Variants in AGFG1 observed in about 807,000 individuals in gnomAD.
The protein encoded by AGFG1 is ArfGAP with FG repeats 1.
A neutral mutation model predicts 60.6 loss-of-function variants in AGFG1; 10 were observed. The ratio of observed to expected loss-of-function variants is 0.16; its 90% CI spans 0.10 to 0.28. AGFG1 has a LOEUF of 0.28. Among genes scored for constraint, AGFG1 ranks in the 10% least tolerant of loss-of-function variants. The pLI is 1.00. For missense variants in AGFG1, 537 were observed against 676.5 expected (o/e 0.79, Z 2.29); for synonymous variants, 247 against 242.9 (o/e 1.02, Z -0.16).
chr2:227,495,969 T>A (rs1430088901), intron 2 of AGFG1, among the ~76,000 whole-genome samples: 3 of 150,526 alleles, frequency 2.0e-5, no homozygotes, highest in Non-Finnish European at 4.4e-5. Context: ...AAAAAAAAAA[T>A]TAGCCAGGCA....
chr2:227,526,231 C>T (rs1691987390), intron 5 of AGFG1, among the ~76,000 whole-genome samples: 2 of 152,048 alleles, frequency 1.3e-5, no homozygotes, highest in South Asian at 4.1e-4. Flanking sequence ...TGGAGTCTCG[C>T]TCTCTCGCCG....
chr2:227,472,565 G>A lies in AGFG1; in HGVS notation c.144G>A (p.Val48=). The A allele has an allele frequency of 6.3e-7, 1 of 1,580,014 alleles. No homozygotes were observed. Among genetic ancestry groups the A allele is most frequent in the East Asian group, 2.5e-5 (1 of 40,414 alleles). The change falls in exon 1 of 13, where the codon GTG becomes GTA. Residue 48 remains valine, a synonymous_variant. Transcript: ENST00000310078. ...TTAACATGACGGTCGGCTCCTTCGT[G>A]TGTACCTCCTGCTCCGGCAGCCTGT... The part of the protein sequence containing the change: ...TYVNMTVGSF[V]CTSCSGSLRG...
Position 227,556,641 on chromosome 2 carries a change from GTAAAT to G in AGFG1, c.*2151_*2155del, listed in dbSNP as rs1692978175. 1 of 152,616 alleles carries G rather than the reference GTAAAT, an allele frequency of 6.6e-6. No homozygotes were observed. The highest frequency in any genetic ancestry group is 2.1e-4 in the South Asian group (1 of 4,832). The allele number at this position is 152,616 out of a possible 1,614,324, so 9.5% of individuals were successfully genotyped here. On this transcript the variant is annotated 3_prime_UTR_variant, in exon 13 of 13. Transcript: ENST00000310078. The stretch of plus-strand genomic sequence containing the variant: ...TCCTACCAGGCTTTCCATCTGAATA[GTAAAT>G]TAAACAGTTGTTATCAAAATGATTT...
At chr2:227,492,838 G>A (rs1237276182) in intron 2 of AGFG1, among the ~76,000 whole-genome samples, 3 of 152,004 alleles carry the variant, frequency 2.0e-5, no homozygotes, top group Non-Finnish European at 4.4e-5. Flanking sequence ...TGAAGAGTAA[G>A]CATAGAATAA....
intron 2 of AGFG1, among the ~76,000 whole-genome samples, chr2:227,504,247 C>T (rs1322841874): frequency 2.0e-5 from 3 of 150,160 alleles, no homozygotes; most frequent in East Asian, 2.0e-4. Flanking sequence ...GGCTGGAGTG[C>T]GGTGGCTGGA....
intron 5 of AGFG1, 38 bp downstream of exon 5, chr2:227,524,953 A>C: frequency 6.8e-6 from 11 of 1,607,860 alleles, no homozygotes; most frequent in Non-Finnish European, 9.4e-6. Context: ...CTGGGGATGC[A>C]TATAAAACAC....
In AGFG1 at chr2:227,523,899, C is replaced by G. The variant is rs1212584794; in HGVS notation, c.514C>G (p.His172Asp). The G allele has an allele frequency of 6.2e-7, 1 of 1,613,586 alleles. No homozygotes were observed. The highest frequency in any genetic ancestry group is 8.5e-7 in the Non-Finnish European group (1 of 1,179,854). ...SLLGDSAPTL[H>D]LNKGTPSQSP... ...TTTAGGGGATTCTGCACCAACACTG[C>G]ACTTAAATAAGGGCACACCTAGTCA... Residue 172 changes from histidine to aspartate, a missense_variant, in exon 4 of 13, where the codon CAC (histidine) becomes GAC (aspartate). His to Asp is a moderately conservative substitution (Grantham distance 81). This residue lies in a region of AGFG1 where 102 missense variants were observed against 82.9 expected (regional missense o/e 1.23). Coordinates refer to ENST00000310078, the MANE Select transcript of AGFG1 (RefSeq NM_004504.5).
At chr2:227,514,837 T>C (rs541710223) in intron 2 of AGFG1, among the ~76,000 whole-genome samples, 172 of 152,300 alleles carry the variant, frequency 1.1e-3, no homozygotes, top group African/African-American at 3.7e-3. Flanking sequence ...TTTTAGCCCC[T>C]CACCCCCACT....
rs1400940892 is a variant in AGFG1 at position 227,557,245 on chromosome 2, A to AT, written c.*2756dup. 2.0e-5 allele frequency: 3 copies of AT among 152,126 alleles called. No homozygotes were observed. Among genetic ancestry groups the AT allele is most frequent in the African/African-American group, 7.2e-5 (3 of 41,432 alleles). The allele number at this position is 152,126 out of a possible 1,614,324, so 9.4% of individuals were successfully genotyped here. On this transcript the variant is annotated 3_prime_UTR_variant, in exon 13 of 13. Coordinates refer to ENST00000310078, the MANE Select transcript of AGFG1 (RefSeq NM_004504.5). ...CAAACTTTTGACATAGTTTAAAGAC[A>AT]TTTTTTCCCCATTTTTTGAAATAGA... is the stretch of plus-strand genomic sequence containing the variant.
chr2:227,509,440 TATTAAG>T (rs1691429323), intron 2 of AGFG1, among the ~76,000 whole-genome samples: 1 of 152,122 alleles, frequency 6.6e-6, no homozygotes, highest in South Asian at 2.1e-4. Flanking sequence ...TAAAGGCCAT[TATTAAG>T]ATTACTGACT....
chr2:227,536,342 T>C (rs1042255557), intron 8 of AGFG1, among the ~76,000 whole-genome samples: 2 of 152,154 alleles, frequency 1.3e-5, no homozygotes, highest in Non-Finnish European at 2.9e-5. Context: ...ACATGAATAT[T>C]AAGATAGTGG....
intron 2 of AGFG1, among the ~76,000 whole-genome samples, chr2:227,494,007 C>A (rs922404327): frequency 6.6e-6 from 1 of 152,070 alleles, no homozygotes; most frequent in Non-Finnish European, 1.5e-5. Flanking sequence ...GGGAAACTTG[C>A]AATAGGTTGC....
chr2:227,509,526 G>A (rs539204225), intron 2 of AGFG1, among the ~76,000 whole-genome samples: 68 of 152,160 alleles, frequency 4.5e-4, no homozygotes, highest in African/African-American at 1.3e-3. Context: ...TTATGTAAAA[G>A]AACGTACTTA....
At chr2:227,499,332 T>C (rs564556089) in intron 2 of AGFG1, among the ~76,000 whole-genome samples, 1 of 152,190 alleles carries the variant, frequency 6.6e-6, no homozygotes, top group East Asian at 1.9e-4. Context: ...TAAAACTTTG[T>C]ATTGCTTATA....
In AGFG1 at chr2:227,556,332, A is replaced by C. The variant is rs1228899031; in HGVS notation, c.*1837A>C. 6.6e-6 allele frequency: 1 copy of C among 152,632 alleles called. No individual in the cohort carries two copies. Among genetic ancestry groups the C allele is most frequent in the Non-Finnish European group, 1.5e-5 (1 of 68,040 alleles). 9.5% of individuals were successfully genotyped at this position (152,632 alleles called of 1,614,324 possible). A position where few individuals can be genotyped will look rare whatever the true frequency, so the allele number is the denominator to read the frequency against. ...AAACATTGCTGTCTAGTGTACATCT[A>C]GCTAAAAGTGTGGTTTATCTAAACC... On this transcript the variant is annotated 3_prime_UTR_variant, in exon 13 of 13. Coordinates refer to ENST00000310078, the MANE Select transcript of AGFG1 (RefSeq NM_004504.5).
In AGFG1 at chr2:227,557,963, G is replaced by A. The variant is rs1046269204; in HGVS notation, c.*3468G>A. Reference sequence around the variant, plus strand: ...TTGAGAACCACTATACTTTAAATTTGTGTATTTCTAGAACAGTATTTACTT... The same window carrying A: ...TTGAGAACCACTATACTTTAAATTTATGTATTTCTAGAACAGTATTTACTT... On this transcript the variant is annotated 3_prime_UTR_variant, in exon 13 of 13. Coordinates refer to ENST00000310078, the MANE Select transcript of AGFG1 (RefSeq NM_004504.5). 1 of 152,182 alleles carries A rather than the reference G, an allele frequency of 6.6e-6. No homozygotes were observed. Among genetic ancestry groups the A allele is most frequent in the Non-Finnish European group, 1.5e-5 (1 of 68,038 alleles). 9.4% of individuals were successfully genotyped at this position (152,182 alleles called of 1,614,324 possible). A position where few individuals can be genotyped will look rare whatever the true frequency, so the allele number is the denominator to read the frequency against.
intron 1 of AGFG1, among the ~76,000 whole-genome samples, chr2:227,489,402 A>G (rs534364487): frequency 1.3e-5 from 2 of 150,784 alleles, no homozygotes; most frequent in East Asian, 4.0e-4. Flanking sequence ...TCGTATTTTT[A>G]GTAGAGATGG....
At chr2:227,516,417 T>C (rs1470828849) in intron 2 of AGFG1, among the ~76,000 whole-genome samples, 1 of 152,210 alleles carries the variant, frequency 6.6e-6, no homozygotes, top group African/African-American at 2.4e-5. Flanking sequence ...TTTTGATCTA[T>C]AAATATAGGA....
chr2:227,485,592 A>G (rs892761453), intron 1 of AGFG1, among the ~76,000 whole-genome samples: 4 of 151,890 alleles, frequency 2.6e-5, no homozygotes, highest in Non-Finnish European at 5.9e-5. Flanking sequence ...TGTGCTTTTT[A>G]TATCTGTAGA....
Sources: gnomAD v4.1 joint callset for allele counts (sites outside exome capture counted in the v4.1 genomes callset) on GRCh38, gnomAD v4.1.1 for gene constraint, gnomAD v4.1.1 regional missense constraint, MANE v1.5 for transcripts, NCBI Gene and HGNC (gene_info 2026-07-23, HGNC 2026-07-21) for gene names.